The following CDH12 variants were observed in gnomAD, a reference collection of about 807,000 sequenced individuals.
The protein encoded by CDH12 is cadherin 12, also known as cadherin-12.
CDH12 carries 41 observed loss-of-function variants against 74.1 expected under a neutral mutation model. That is an observed-to-expected ratio of 0.55 (90% CI 0.43 to 0.72). The LOEUF (loss-of-function observed/expected upper bound fraction) is 0.72. Among genes scored for constraint, CDH12 ranks in the 30% least tolerant of loss-of-function variants. The probability of loss-of-function intolerance (pLI) is 0.00; values close to 1 mark genes in which losing one functional copy is unlikely to be tolerated. For missense variants in CDH12, 945 were observed against 977.2 expected (o/e 0.97, Z 0.44); for synonymous variants, 399 against 355.0 (o/e 1.12, Z -1.39).
intron 4 of CDH12, among the ~76,000 whole-genome samples, chr5:22,102,935 T>C (rs1308750682): frequency 6.6e-6 from 1 of 152,036 alleles, no homozygotes; most frequent in Non-Finnish European, 1.5e-5. Flanking sequence ...CCCTTTAACA[T>C]ACTGTAGGAA....
chr5:21,783,586 T>A (rs1746037812), intron 10 of CDH12, 92 bp from the exon 11 acceptor site: 1 of 928,168 alleles, frequency 1.1e-6, no homozygotes, highest in Non-Finnish European at 1.7e-6. Context: ...CTTATTTTTC[T>A]CCCTGTAGCT....
At chr5:21,803,010 A>T (rs943096004) in intron 9 of CDH12, among the ~76,000 whole-genome samples, 3 of 152,184 alleles carry the variant, frequency 2.0e-5, no homozygotes, top group African/African-American at 7.2e-5. Flanking sequence ...TAATCATTTT[A>T]TATGAGCAAA....
intron 6 of CDH12, among the ~76,000 whole-genome samples, chr5:21,919,231 T>C (rs1754243179): frequency 1.3e-5 from 2 of 152,334 alleles, no homozygotes; most frequent in Middle Eastern, 6.8e-3. Flanking sequence ...AAAATAACAA[T>C]GTTTTACACA....
intron 11 of CDH12, among the ~76,000 whole-genome samples, chr5:21,766,889 AAACTCTG>A (rs1260090475): frequency 6.6e-6 from 1 of 151,820 alleles, no homozygotes; most frequent in Admixed American, 6.6e-5. Flanking sequence ...TGTGTAGGTG[AAACTCTG>A]AAGAGACAGG....
chr5:22,678,556 C>T (rs1024888865), intron 1 of CDH12, among the ~76,000 whole-genome samples: 4 of 152,012 alleles, frequency 2.6e-5, no homozygotes, highest in African/African-American at 9.7e-5. Flanking sequence ...TCTAGTGGTG[C>T]TGGAAGAATT....
chr5:21,923,352 C>T (rs1355026996), intron 6 of CDH12, among the ~76,000 whole-genome samples: 2 of 152,044 alleles, frequency 1.3e-5, no homozygotes, highest in African/African-American at 4.8e-5. Flanking sequence ...TGTGTGTATA[C>T]AATTACAAAT....
chr5:21,879,882 A>C (rs1310189332), intron 6 of CDH12, among the ~76,000 whole-genome samples: 1 of 152,250 alleles, frequency 6.6e-6, no homozygotes, highest in Non-Finnish European at 1.5e-5. Context: ...GGAATATTAA[A>C]GTCATGGATT....
At chr5:22,652,342 C>G (rs1358370034) in intron 1 of CDH12, among the ~76,000 whole-genome samples, 1 of 152,048 alleles carries the variant, frequency 6.6e-6, no homozygotes, top group East Asian at 1.9e-4. Flanking sequence ...TAAAAAGGAG[C>G]CTTGTTCTTG....
intron 4 of CDH12, among the ~76,000 whole-genome samples, chr5:22,129,505 A>G (rs1580296609): frequency 6.6e-6 from 1 of 152,160 alleles, no homozygotes; most frequent in Admixed American, 6.6e-5. Flanking sequence ...TAGTGGGTTT[A>G]TTTCAAAGGA....
intron 1 of CDH12, among the ~76,000 whole-genome samples, chr5:22,611,051 C>T (rs998065845): frequency 6.6e-5 from 10 of 152,226 alleles, no homozygotes; most frequent in Admixed American, 1.3e-4. Flanking sequence ...TACTGTATTA[C>T]GCATATCATC....
At chr5:22,705,499 G>GCACACACA (rs5866587) in intron 1 of CDH12, among the ~76,000 whole-genome samples, 24,363 of 143,388 alleles carry the variant, frequency 0.17, 2,058 homozygotes, top group African/African-American at 0.2. Flanking sequence ...CAACACACAT[G>GCACACACA]CACACACACA....
intron 2 of CDH12, among the ~76,000 whole-genome samples, chr5:22,421,461 T>C (rs1468823769): frequency 6.6e-6 from 1 of 152,122 alleles, no homozygotes; most frequent in Non-Finnish European, 1.5e-5. Flanking sequence ...TCTTTTGTTA[T>C]TTCGCTGAGA....
intron 4 of CDH12, among the ~76,000 whole-genome samples, chr5:22,200,752 G>A (rs1391834580): frequency 6.6e-6 from 1 of 152,166 alleles, no homozygotes; most frequent in Non-Finnish European, 1.5e-5. Flanking sequence ...ATTGGCTTAT[G>A]AATAAATAAC....
intron 5 of CDH12, among the ~76,000 whole-genome samples, chr5:22,005,706 C>T (rs1174620978): frequency 6.6e-6 from 1 of 152,098 alleles, no homozygotes; most frequent in Non-Finnish European, 1.5e-5. Flanking sequence ...GCCTGTTTTA[C>T]ACTGCAAATA....
chr5:22,251,513 G>A (rs191636200), intron 3 of CDH12, among the ~76,000 whole-genome samples: 7 of 152,234 alleles, frequency 4.6e-5, no homozygotes, highest in Admixed American at 6.5e-5. Flanking sequence ...TACTAAAGCC[G>A]TATGAAAATG....
Position 21,751,480 on chromosome 5 carries a change from C to T in CDH12, c.*257G>A. On this transcript the variant is annotated 3_prime_UTR_variant, in exon 15 of 15. Coordinates refer to ENST00000382254, the MANE Select transcript of CDH12 (RefSeq NM_004061.5). Reference sequence around the variant, plus strand: ...TTGTCTCAGTGTGATTGTGAAAAAACAAAACAACAAAACAAAGCAAGTACA... The same window carrying T: ...TTGTCTCAGTGTGATTGTGAAAAAATAAAACAACAAAACAAAGCAAGTACA... 1 of 399,870 alleles carries T rather than the reference C, an allele frequency of 2.5e-6. No homozygotes were observed. The highest frequency in any genetic ancestry group is 4.3e-5 in the East Asian group (1 of 23,518). 24.8% of individuals were successfully genotyped at this position (399,870 alleles called of 1,614,324 possible). A position where few individuals can be genotyped will look rare whatever the true frequency, so the allele number is the denominator to read the frequency against.
At chr5:22,244,553 A>T (rs1263133118) in intron 3 of CDH12, among the ~76,000 whole-genome samples, 1 of 103,124 alleles carries the variant, frequency 9.7e-6, no homozygotes, top group African/African-American at 3.4e-5. Context: ...GAAGAAGAAG[A>T]AGAAAGAGAG....
At chr5:22,196,165 T>C (rs1440366231) in intron 4 of CDH12, among the ~76,000 whole-genome samples, 1 of 132,150 alleles carries the variant, frequency 7.6e-6, no homozygotes, top group Non-Finnish European at 1.7e-5. Context: ...TTTTTTTTTT[T>C]GACAGAGTCT....
chr5:22,768,847 G>T (rs1268306430), intron 1 of CDH12, among the ~76,000 whole-genome samples: 3 of 152,078 alleles, frequency 2.0e-5, no homozygotes, highest in African/African-American at 7.2e-5. Context: ...TTAAATCCCA[G>T]TATAAAATTA....
Sources: gnomAD v4.1 joint callset for allele counts (sites outside exome capture counted in the v4.1 genomes callset) on GRCh38, gnomAD v4.1.1 for gene constraint, MANE v1.5 for transcripts, NCBI Gene and HGNC (gene_info 2026-07-23, HGNC 2026-07-21) for gene names.